Variants in COL26A1 observed in about 807,000 individuals in gnomAD.
COL26A1 encodes the protein collagen type XXVI alpha 1 chain, also known as collagen alpha-1(XXVI) chain.
COL26A1 carries 41 observed loss-of-function variants against 59.3 expected under a neutral mutation model. The observed-to-expected ratio is 0.69, with a 90% CI of 0.54 to 0.90. The LOEUF (loss-of-function observed/expected upper bound fraction) is 0.90, where lower values mean the gene tolerates loss of function less well. COL26A1 is among the 40% of genes least tolerant of loss of function. The pLI, the probability that COL26A1 is intolerant of heterozygous loss-of-function variation, is 0.00. For synonymous variants in COL26A1, 266 were observed against 256.0 expected (o/e 1.04, Z -0.37); for missense variants, 612 against 602.3 (o/e 1.02, Z -0.17).
chr7:101,404,055 T>C (rs13242660), intron 1 of COL26A1, among the ~76,000 whole-genome samples: 119,791 of 152,052 alleles, frequency 0.79, 47,920 homozygotes, highest in Middle Eastern at 0.9. Context: ...GATCATGCCA[T>C]AGCACTCCAG....
intron 1 of COL26A1, among the ~76,000 whole-genome samples, chr7:101,366,994 T>C (rs1791063128): frequency 6.6e-6 from 1 of 152,206 alleles, no homozygotes. Context: ...TTTAGCTATT[T>C]CCTTCCCAGT....
intron 2 of COL26A1, among the ~76,000 whole-genome samples, chr7:101,422,573 C>G (rs967929971): frequency 3.3e-5 from 5 of 152,108 alleles, no homozygotes; most frequent in African/African-American, 9.7e-5. Context: ...GAAGTCTGAT[C>G]TGTCTGTGAC....
Position 101,489,667 on chromosome 7 carries a change from T to G in COL26A1, c.385+41880T>G, listed in dbSNP as rs1220280028. Among the ~76,000 whole-genome samples the G allele has an allele frequency of 1.9e-3, 97 of 50,198 alleles. 5 individuals carry two copies. The highest frequency in any genetic ancestry group is 5.8e-3 in the African/African-American group (28 of 4,844). 32.9% of individuals were successfully genotyped at this position (50,198 alleles called of 152,430 possible). A position where few individuals can be genotyped will look rare whatever the true frequency, so the allele number is the denominator to read the frequency against. On this transcript the variant is annotated intron_variant, in intron 3 of 12. Transcript: ENST00000313669. Reference sequence around the variant, plus strand: ...TTTCTTTCTTTCTTTCTTTCTTCCTTCCTTCCTTCCTTCCTTTCTTTCTTT... The same window carrying G: ...TTTCTTTCTTTCTTTCTTTCTTCCTGCCTTCCTTCCTTCCTTTCTTTCTTT...
chr7:101,386,888 T>C (rs541076357), intron 1 of COL26A1, among the ~76,000 whole-genome samples: 2 of 152,336 alleles, frequency 1.3e-5, no homozygotes, highest in South Asian at 4.1e-4. Context: ...GCAAGTTGTC[T>C]GCCTGCTAGG....
chr7:101,489,673 C>CT (rs1794357912), intron 3 of COL26A1, among the ~76,000 whole-genome samples: 1 of 44,340 alleles, frequency 2.3e-5, no homozygotes, highest in East Asian at 3.4e-4. Flanking sequence ...TCCTTCCTTC[C>CT]TTCCTTCCTT....
intron 2 of COL26A1, among the ~76,000 whole-genome samples, chr7:101,421,955 A>G (rs1232509398): frequency 6.6e-6 from 1 of 152,194 alleles, no homozygotes; most frequent in Non-Finnish European, 1.5e-5. Context: ...GTTTTGATAC[A>G]GGTCATTCTG....
At chr7:101,533,213 G>C in intron 4 of COL26A1, 70 bp downstream of exon 4, 1 of 1,163,542 alleles carries the variant, frequency 8.6e-7, no homozygotes, top group Non-Finnish European at 1.2e-6. Flanking sequence ...GGAGGCATCA[G>C]GCAACCACTG....
At chr7:101,468,648 A>G (rs1793822691) in intron 3 of COL26A1, among the ~76,000 whole-genome samples, 1 of 152,236 alleles carries the variant, frequency 6.6e-6, no homozygotes, top group Non-Finnish European at 1.5e-5. Flanking sequence ...GGTATAAGTT[A>G]TGGAGATGAT....
intron 1 of COL26A1, among the ~76,000 whole-genome samples, chr7:101,391,666 T>C (rs1791731610): frequency 6.6e-6 from 1 of 152,170 alleles, no homozygotes. Context: ...TTCAAAGAGA[T>C]TCTCCTGCCT....
At chr7:101,396,956 G>GGT (rs1791869833) in intron 1 of COL26A1, among the ~76,000 whole-genome samples, 1 of 152,188 alleles carries the variant, frequency 6.6e-6, no homozygotes, top group Non-Finnish European at 1.5e-5. Flanking sequence ...CCAGGCCTGG[G>GGT]GTGACGCTGG....
chr7:101,460,923 C>T (rs1793595803), intron 3 of COL26A1, among the ~76,000 whole-genome samples: 1 of 152,176 alleles, frequency 6.6e-6, no homozygotes, highest in South Asian at 2.1e-4. Flanking sequence ...AGGGTCTTCT[C>T]CAACCTCTGC....
At chr7:101,478,792 T>A (rs945940494) in intron 3 of COL26A1, among the ~76,000 whole-genome samples, 7 of 152,214 alleles carry the variant, frequency 4.6e-5, no homozygotes, top group Non-Finnish European at 1.0e-4. Flanking sequence ...TTCTCTACTT[T>A]TACTACATAT....
intron 1 of COL26A1, among the ~76,000 whole-genome samples, chr7:101,394,294 CTG>C (rs1791801518): frequency 6.6e-6 from 1 of 152,190 alleles, no homozygotes; most frequent in Non-Finnish European, 1.5e-5. Flanking sequence ...CACGGAGACT[CTG>C]GAGGAAACTC....
intron 3 of COL26A1, among the ~76,000 whole-genome samples, chr7:101,470,054 T>G (rs1387504146): frequency 2.0e-5 from 3 of 151,360 alleles, no homozygotes; most frequent in Admixed American, 1.3e-4. Context: ...AGAGAAGAGC[T>G]CTCTCTGCTG....
intron 3 of COL26A1, among the ~76,000 whole-genome samples, chr7:101,475,939 T>G (rs1000259542): frequency 1.3e-5 from 2 of 150,946 alleles, no homozygotes; most frequent in Admixed American, 6.6e-5. Flanking sequence ...TCTCTCTTTC[T>G]TTCTTCTTTC....
At position 101,533,065 on chromosome 7, in the gene COL26A1, T is replaced by TTCC; in HGVS notation, c.386-14_386-12dup. On this transcript the variant is annotated splice_polypyrimidine_tract_variant and intron_variant, in intron 3 of 12. Coordinates refer to ENST00000313669, the MANE Select transcript of COL26A1 (RefSeq NM_001278563.3). ...GGTCTACACTCTGCTCTCATATAAG[T>TTCC]TCCTCTTCTCTTTCAGAATGCATGA... 1 of 1,593,356 alleles carries TTCC rather than the reference T, an allele frequency of 6.3e-7. No individual in the cohort carries two copies. Among genetic ancestry groups the TTCC allele is most frequent in the Non-Finnish European group, 8.5e-7 (1 of 1,170,038 alleles).
chr7:101,446,238 T>C (rs1793192450), intron 2 of COL26A1, among the ~76,000 whole-genome samples: 1 of 152,102 alleles, frequency 6.6e-6, no homozygotes, highest in African/African-American at 2.4e-5. Flanking sequence ...GGAATTACAT[T>C]TCAACCTGAG....
chr7:101,444,122 C>A (rs932394601), intron 2 of COL26A1, among the ~76,000 whole-genome samples: 8 of 152,036 alleles, frequency 5.3e-5, no homozygotes, highest in African/African-American at 1.7e-4. Flanking sequence ...AAGCAATCCT[C>A]CTGCCTCGGC....
Position 101,488,353 on chromosome 7 carries a change from TATATA to T in COL26A1, c.385+40567_385+40571del, listed in dbSNP as rs1563006390. 1.8e-3 allele frequency among the ~76,000 whole-genome samples: 166 copies of T among 94,000 alleles called. 1 individual carries two copies. The highest frequency in any genetic ancestry group is 4.5e-3 in the African/African-American group (92 of 20,262). 61.7% of individuals were successfully genotyped at this position (94,000 alleles called of 152,430 possible). A position where few individuals can be genotyped will look rare whatever the true frequency, so the allele number is the denominator to read the frequency against. ...AATCCGTTTTTAATTTTATTTAATA[TATATA>T]TATATATATATATATATATACACAC... On this transcript the variant is annotated intron_variant, in intron 3 of 12. Coordinates refer to ENST00000313669, the MANE Select transcript of COL26A1 (RefSeq NM_001278563.3).
Sources: allele counts gnomAD v4.1 joint callset (sites outside exome capture counted in the v4.1 genomes callset), GRCh38; gene constraint gnomAD v4.1.1; transcripts MANE v1.5; gene names NCBI Gene and HGNC (gene_info 2026-07-23, HGNC 2026-07-21).